Variants in CADPS2 observed in about 807,000 individuals in gnomAD.
CADPS2 encodes the protein calcium dependent secretion activator 2, also known as calcium-dependent secretion activator 2.
Under a neutral mutation model 172.5 loss-of-function variants are expected in CADPS2, and 93 were observed. That is an observed-to-expected ratio of 0.54 (90% CI 0.46 to 0.64). CADPS2 has a LOEUF of 0.64. Among genes scored for constraint, CADPS2 ranks in the 30% least tolerant of loss-of-function variants. The pLI, the probability that CADPS2 is intolerant of heterozygous loss-of-function variation, is 0.00. For synonymous variants in CADPS2, 546 were observed against 555.2 expected (o/e 0.98, Z 0.23); for missense variants, 1,420 against 1,565.9 (o/e 0.91, Z 1.57).
intron 3 of CADPS2, among the ~76,000 whole-genome samples, chr7:122,651,640 G>C (rs1479260920): frequency 6.6e-6 from 1 of 152,128 alleles, no homozygotes; most frequent in African/African-American, 2.4e-5. Flanking sequence ...ATTTGAGTGG[G>C]AGGAGGGATA....
At chr7:122,381,540 AC>A (rs772259555) in intron 24 of CADPS2, among the ~76,000 whole-genome samples, 1 of 152,166 alleles carries the variant, frequency 6.6e-6, no homozygotes, top group Non-Finnish European at 1.5e-5. Context: ...CAGAGCTTCT[AC>A]ATGTTAAACT....
intron 2 of CADPS2, among the ~76,000 whole-genome samples, chr7:122,677,403 A>G (rs909051345): frequency 7.2e-5 from 11 of 152,168 alleles, no homozygotes; most frequent in African/African-American, 2.7e-4. Flanking sequence ...CCTGGGCTGC[A>G]GTGAAGGGCC....
intron 1 of CADPS2, among the ~76,000 whole-genome samples, chr7:122,751,129 T>C (rs2092936047): frequency 1.3e-5 from 2 of 152,278 alleles, no homozygotes; most frequent in East Asian, 1.9e-4. Flanking sequence ...TATTTTAAGA[T>C]ATAGGCATTT....
At position 122,361,903 on chromosome 7, in the gene CADPS2, G is replaced by A. The variant is rs111611954; in HGVS notation, c.3388-890C>T. Among the ~76,000 whole-genome samples, 606 of 151,882 alleles carry A rather than the reference G, an allele frequency of 4.0e-3. 7 individuals are homozygous for A. The highest frequency in any genetic ancestry group is 0.014 in the African/African-American group (587 of 41,440). ...AGCCTAACCAACATGGAGAAACCCC[G>A]TCTCTACTAAAAGTACAAAATCAGC... On this transcript the variant is annotated intron_variant, in intron 25 of 29. Coordinates refer to ENST00000449022, the MANE Select transcript of CADPS2 (RefSeq NM_017954.11).
At chr7:122,714,691 T>A (rs150099173) in intron 2 of CADPS2, among the ~76,000 whole-genome samples, 2 of 152,266 alleles carry the variant, frequency 1.3e-5, no homozygotes, top group African/African-American at 4.8e-5. Context: ...TAGGAATAAG[T>A]CTATTTACTC....
At chr7:122,571,887 G>A (rs1236476370) in intron 7 of CADPS2, among the ~76,000 whole-genome samples, 2 of 152,100 alleles carry the variant, frequency 1.3e-5, no homozygotes, top group East Asian at 3.9e-4. Context: ...AGTAACAGAT[G>A]AGGAGTAGAT....
chr7:122,599,743 T>C (rs2072462929), intron 6 of CADPS2, among the ~76,000 whole-genome samples: 1 of 152,120 alleles, frequency 6.6e-6, no homozygotes, highest in East Asian at 1.9e-4. Context: ...TTTAGGCCCT[T>C]TGTAAAAGTG....
intron 3 of CADPS2, among the ~76,000 whole-genome samples, chr7:122,634,886 T>A (rs998196474): frequency 1.3e-5 from 2 of 152,172 alleles, no homozygotes; most frequent in Non-Finnish European, 2.9e-5. Flanking sequence ...AGTTTTTGAT[T>A]TCTGTCTTAA....
intron 1 of CADPS2, among the ~76,000 whole-genome samples, chr7:122,780,068 G>A (rs1164425533): frequency 6.6e-6 from 1 of 151,994 alleles, no homozygotes; most frequent in Non-Finnish European, 1.5e-5. Context: ...CATAATTTTA[G>A]GAGAAAAGAG....
chr7:122,527,617 A>AGAGAGAGAGTGTGTGTGT, intron 8 of CADPS2, among the ~76,000 whole-genome samples: 27 of 83,882 alleles, frequency 3.2e-4, no homozygotes, highest in Non-Finnish European at 5.5e-4. Context: ...AGAGAGAGAG[A>AGAGAGAGAGTGTGTGTGT]GTGTGTGTGT....
chr7:122,720,387 G>C (rs1215426956), intron 2 of CADPS2, among the ~76,000 whole-genome samples: 1 of 151,456 alleles, frequency 6.6e-6, no homozygotes, highest in Non-Finnish European at 1.5e-5. Context: ...TTCAGGTACT[G>C]TGAAAGCATA....
chr7:122,338,438 C>A (rs2036245340), intron 28 of CADPS2, among the ~76,000 whole-genome samples: 1 of 151,974 alleles, frequency 6.6e-6, no homozygotes, highest in South Asian at 2.1e-4. Context: ...AAATAAGTAA[C>A]CTCAAACAGC....
chr7:122,691,192 C>T (rs532362719), intron 2 of CADPS2, among the ~76,000 whole-genome samples: 25 of 152,236 alleles, frequency 1.6e-4, no homozygotes, highest in Admixed American at 7.8e-4. Context: ...GTCCATATGA[C>T]GACTGTAACC....
intron 1 of CADPS2, among the ~76,000 whole-genome samples, chr7:122,779,910 T>C (rs1792232718): frequency 6.6e-6 from 1 of 152,180 alleles, no homozygotes; most frequent in South Asian, 2.1e-4. Context: ...CTTGCCTGTG[T>C]TGAATCAAAG....
intron 9 of CADPS2, among the ~76,000 whole-genome samples, chr7:122,504,642 C>T (rs1393810851): frequency 2.0e-5 from 3 of 152,126 alleles, no homozygotes; most frequent in African/African-American, 4.8e-5. Context: ...TGATAGCTCA[C>T]TGTAACCTCG....
chr7:122,714,565 A>C (rs1162824232), intron 2 of CADPS2, among the ~76,000 whole-genome samples: 1 of 152,116 alleles, frequency 6.6e-6, no homozygotes, highest in African/African-American at 2.4e-5. Context: ...CGAAGGACCC[A>C]AAAATTTGCT....
intron 27 of CADPS2, among the ~76,000 whole-genome samples, chr7:122,347,725 G>C (rs1316351399): frequency 6.6e-6 from 1 of 152,078 alleles, no homozygotes; most frequent in African/African-American, 2.4e-5. Context: ...CAATAAAAAA[G>C]CTAGACTGTT....
intron 3 of CADPS2, among the ~76,000 whole-genome samples, chr7:122,642,335 G>A (rs766779350): frequency 1.3e-5 from 2 of 150,602 alleles, no homozygotes; most frequent in African/African-American, 4.9e-5. Context: ...TATTAGTCTT[G>A]CCTTACAAAT....
At chr7:122,682,938 A>G (rs1348942196) in intron 2 of CADPS2, among the ~76,000 whole-genome samples, 2 of 152,166 alleles carry the variant, frequency 1.3e-5, no homozygotes, top group Non-Finnish European at 2.9e-5. Flanking sequence ...GCAAGCAAGC[A>G]ATTGTAGAGA....
Sources: gnomAD v4.1 joint callset for allele counts (sites outside exome capture counted in the v4.1 genomes callset) on GRCh38, gnomAD v4.1.1 for gene constraint, MANE v1.5 for transcripts, NCBI Gene and HGNC (gene_info 2026-07-23, HGNC 2026-07-21) for gene names.